The following CDH13 variants were observed in gnomAD, a reference collection of about 807,000 sequenced individuals.
CDH13 encodes the protein cadherin 13.
CDH13 carries 24 observed loss-of-function variants against 63.8 expected under a neutral mutation model. That is an observed-to-expected ratio of 0.38 (90% CI 0.27 to 0.53). CDH13 has a LOEUF of 0.53. Among genes scored for constraint, CDH13 ranks in the 20% least tolerant of loss-of-function variants. The pLI, the probability that CDH13 is intolerant of heterozygous loss-of-function variation, is 0.85. For synonymous variants in CDH13, 503 were observed against 355.3 expected (o/e 1.42, Z -4.67); for missense variants, 1,049 against 903.1 (o/e 1.16, Z -2.07).
Position 83,093,294 on chromosome 16 carries a change from C to CTTTTTTTTTTT in CDH13, c.367-32063_367-32053dup, listed in dbSNP as rs549590536. ...TTGTCCTGTGGAAACACCATAAGTACTTTTTTTTTTTTTTTTTTTTTTTTT... is the reference window on the plus strand; with the variant it reads ...TTGTCCTGTGGAAACACCATAAGTACTTTTTTTTTTTTTTTTTTTTTTTTTTTTTTTTTTTT... On this transcript the variant is annotated intron_variant, in intron 3 of 13. Transcript: ENST00000567109. Among the ~76,000 whole-genome samples, 9 of 35,326 alleles carry CTTTTTTTTTTT rather than the reference C, an allele frequency of 2.5e-4. 4 individuals carry two copies. The highest frequency in any genetic ancestry group is 5.0e-4 in the Non-Finnish European group (9 of 17,918). 23.2% of individuals were successfully genotyped at this position (35,326 alleles called of 152,430 possible).
chr16:83,146,104 G>A (rs2036735529), intron 4 of CDH13, among the ~76,000 whole-genome samples: 1 of 149,764 alleles, frequency 6.7e-6, no homozygotes, highest in Non-Finnish European at 1.5e-5. Flanking sequence ...TGGGGCAGGA[G>A]AATCGCTTGA....
At chr16:83,734,698 A>G (rs1022452544) in intron 10 of CDH13, among the ~76,000 whole-genome samples, 2 of 148,896 alleles carry the variant, frequency 1.3e-5, no homozygotes, top group Non-Finnish European at 3.0e-5. Flanking sequence ...TAACCTGCAC[A>G]TTGTGCACAT....
intron 2 of CDH13, among the ~76,000 whole-genome samples, chr16:82,911,619 C>T (rs1315209072): frequency 6.6e-6 from 1 of 152,166 alleles, no homozygotes; most frequent in African/African-American, 2.4e-5. Context: ...TAACCCAAAA[C>T]AGATAATAAG....
At position 82,936,173 on chromosome 16, in the gene CDH13, C is replaced by T. The variant is rs142708052; in HGVS notation, c.157+77700C>T. Among the ~76,000 whole-genome samples the T allele has an allele frequency of 4.4e-3, 672 of 152,238 alleles. 6 individuals carry two copies. Among genetic ancestry groups the T allele is most frequent in the Middle Eastern group, 0.024 (7 of 294 alleles). On this transcript the variant is annotated intron_variant, in intron 2 of 13. Transcript: ENST00000567109. ...AACATGTCTAGTCCTTAGTTCCTGC[C>T]AGCATTCACCTGTGCAAGTCTCCAG...
chr16:82,799,226 A>T (rs763335408), intron 1 of CDH13, among the ~76,000 whole-genome samples: 1 of 152,186 alleles, frequency 6.6e-6, no homozygotes, highest in Non-Finnish European at 1.5e-5. Flanking sequence ...AGTCTAATAC[A>T]TGTTATTTTT....
intron 3 of CDH13, among the ~76,000 whole-genome samples, chr16:83,058,301 A>C (rs1191093278): frequency 6.6e-6 from 1 of 152,182 alleles, no homozygotes; most frequent in Non-Finnish European, 1.5e-5. Flanking sequence ...TCAAATAAAG[A>C]GGCCCAGGTA....
chr16:83,365,384 G>C (rs1172507552), intron 6 of CDH13, among the ~76,000 whole-genome samples: 1 of 152,180 alleles, frequency 6.6e-6, no homozygotes, highest in African/African-American at 2.4e-5. Context: ...CCTTTTCTCA[G>C]TCTAATAATT....
chr16:83,338,184 TAA>T (rs5818440), intron 5 of CDH13, among the ~76,000 whole-genome samples: 1 of 135,092 alleles, frequency 7.4e-6, no homozygotes, highest in Admixed American at 7.5e-5. Flanking sequence ...CTCTTCTTTT[TAA>T]AAAAAAAAAA....
At chr16:83,410,070 TCGG>T (rs141172357) in intron 6 of CDH13, among the ~76,000 whole-genome samples, 517 of 152,294 alleles carry the variant, frequency 3.4e-3, no homozygotes, top group African/African-American at 0.012. Flanking sequence ...CCCTGAGAGT[TCGG>T]GTCCCTGAGA....
chr16:83,313,563 C>A (rs1414962949), intron 5 of CDH13, among the ~76,000 whole-genome samples: 1 of 151,228 alleles, frequency 6.6e-6, no homozygotes, highest in African/African-American at 2.4e-5. Context: ...AGTTGAAGGG[C>A]CCCAGGCCAT....
chr16:82,941,037 G>C (rs971122779), intron 2 of CDH13, among the ~76,000 whole-genome samples: 1 of 152,066 alleles, frequency 6.6e-6, no homozygotes, highest in African/African-American at 2.4e-5. Flanking sequence ...AGCATATGAC[G>C]GGGAACTTCT....
At chr16:83,076,988 A>G (rs2032885720) in intron 3 of CDH13, among the ~76,000 whole-genome samples, 1 of 152,062 alleles carries the variant, frequency 6.6e-6, no homozygotes, top group Non-Finnish European at 1.5e-5. Flanking sequence ...AACCATCATT[A>G]TGACCTCAGA....
At chr16:83,002,107 C>G (rs1912998100) in intron 2 of CDH13, among the ~76,000 whole-genome samples, 1 of 152,082 alleles carries the variant, frequency 6.6e-6, no homozygotes, top group Non-Finnish European at 1.5e-5. Flanking sequence ...GAATGTCGGC[C>G]CCAAAAAGAT....
At chr16:82,931,674 G>A (rs527968824) in intron 2 of CDH13, among the ~76,000 whole-genome samples, 1 of 152,106 alleles carries the variant, frequency 6.6e-6, no homozygotes, top group African/African-American at 2.4e-5. Flanking sequence ...TCACAATCAT[G>A]GCAGAAGGCA....
intron 7 of CDH13, among the ~76,000 whole-genome samples, chr16:83,541,648 C>T (rs1033223483): frequency 2.0e-5 from 3 of 152,172 alleles, no homozygotes; most frequent in Non-Finnish European, 2.9e-5. Context: ...GAAGGCACAG[C>T]CCAAGATGGA....
intron 1 of CDH13, among the ~76,000 whole-genome samples, chr16:82,669,997 T>A (rs3852733): frequency 0.55 from 84,323 of 152,146 alleles, 24,248 homozygotes; most frequent in Non-Finnish European, 0.64. Flanking sequence ...TATGCAGTTT[T>A]TATTCCTGAC....
In CDH13 at chr16:82,843,458, C is replaced by T. The variant is rs200634018; in HGVS notation, c.46-14904C>T. On this transcript the variant is annotated intron_variant, in intron 1 of 13. Transcript: ENST00000567109. ...AGACATGTATTCATATACTCCGACC[C>T]AGGGGAAGATATGTGGCATTCTGCT... is the stretch of plus-strand genomic sequence containing the variant. Among the ~76,000 whole-genome samples, 15 of 152,268 alleles carry T rather than the reference C, an allele frequency of 9.9e-5. No individual in the cohort carries two copies. In the East Asian group the frequency reaches 2.7e-3, roughly 27 times the overall value.
chr16:83,498,554 C>T (rs916037930), intron 7 of CDH13, among the ~76,000 whole-genome samples: 5 of 152,120 alleles, frequency 3.3e-5, no homozygotes, highest in African/African-American at 4.8e-5. Flanking sequence ...CCCTAGAAAA[C>T]GTACTTTATA....
intron 1 of CDH13, among the ~76,000 whole-genome samples, chr16:82,795,625 C>G (rs2036542408): frequency 6.6e-6 from 1 of 152,138 alleles, no homozygotes; most frequent in African/African-American, 2.4e-5. Context: ...CACACCTCAC[C>G]CAAGGTCCTA....
Sources: allele counts gnomAD v4.1 joint callset (sites outside exome capture counted in the v4.1 genomes callset), GRCh38; gene constraint gnomAD v4.1.1; transcripts MANE v1.5; gene names NCBI Gene and HGNC (gene_info 2026-07-23, HGNC 2026-07-21).